THRB: variants seen among roughly 807,000 people sequenced by gnomAD.
THRB encodes thyroid hormone receptor beta.
A neutral mutation model predicts 47.8 loss-of-function variants in THRB; 12 were observed. The ratio of observed to expected loss-of-function variants is 0.25; its 90% confidence interval spans 0.16 to 0.41. THRB has a LOEUF of 0.41. Ranked by LOEUF, THRB falls within the 10% of genes least tolerant of loss-of-function variation. The probability of loss-of-function intolerance (pLI) is 1.00; values close to 1 mark genes in which losing one functional copy is unlikely to be tolerated. For missense variants in THRB, 348 were observed against 589.2 expected, an observed-to-expected ratio of 0.59 and a Z score of 4.24; for synonymous variants, 218 against 212.2, an observed-to-expected ratio of 1.03 and a Z score of -0.24.
chr3:24,220,591 G>C (rs144325358), intron 4 of THRB, among the ~76,000 whole-genome samples: 39 of 152,280 alleles, frequency 2.6e-4, no homozygotes, highest in African/African-American at 9.1e-4. Context: ...TGGTCACCTG[G>C]CTGTCATTTT....
At chr3:24,481,193 A>G (rs1302242921) in intron 1 of THRB, among the ~76,000 whole-genome samples, 3 of 129,734 alleles carry the variant, frequency 2.3e-5, no homozygotes, top group African/African-American at 9.3e-5. Flanking sequence ...AAGATCGTCT[A>G]TCTCAGTTTT....
intron 1 of THRB, among the ~76,000 whole-genome samples, chr3:24,425,678 C>T (rs2069687463): frequency 6.6e-6 from 1 of 151,826 alleles, no homozygotes; most frequent in Admixed American, 6.6e-5. Context: ...AAATTTAGTC[C>T]TTCTCTGATT....
intron 1 of THRB, among the ~76,000 whole-genome samples, chr3:24,462,310 G>T (rs1489184804): frequency 6.6e-6 from 1 of 152,208 alleles, no homozygotes; most frequent in Non-Finnish European, 1.5e-5. Context: ...TTATTCCTTA[G>T]AATTAAGAAG....
chr3:24,309,024 T>C (rs879285088), intron 2 of THRB, among the ~76,000 whole-genome samples: 2 of 152,152 alleles, frequency 1.3e-5, no homozygotes, highest in African/African-American at 2.4e-5. Flanking sequence ...AGCTCTTCCC[T>C]ACCCTTTCCT....
At chr3:24,418,082 C>G (rs1439800726) in intron 1 of THRB, among the ~76,000 whole-genome samples, 2 of 151,782 alleles carry the variant, frequency 1.3e-5, no homozygotes, top group Non-Finnish European at 2.9e-5. Context: ...CTCCTCCTCC[C>G]ATATCAACTT....
intron 3 of THRB, among the ~76,000 whole-genome samples, chr3:24,288,691 G>C (rs1050204342): frequency 6.6e-6 from 1 of 152,168 alleles, no homozygotes; most frequent in Non-Finnish European, 1.5e-5. Context: ...GTTGAATCAA[G>C]TACACTAAAG....
chr3:24,491,085 T>C (rs1698076412), intron 1 of THRB, among the ~76,000 whole-genome samples: 1 of 152,144 alleles, frequency 6.6e-6, no homozygotes, highest in South Asian at 2.1e-4. Flanking sequence ...TCCTTACAAG[T>C]TTAATGCATG....
intron 3 of THRB, among the ~76,000 whole-genome samples, chr3:24,279,680 C>A (rs2054334240): frequency 6.6e-6 from 1 of 152,044 alleles, no homozygotes; most frequent in Non-Finnish European, 1.5e-5. Context: ...CAGGCGTGAG[C>A]CACCGTGCCC....
chr3:24,443,850 G>A (rs1423275884), intron 1 of THRB, among the ~76,000 whole-genome samples: 3 of 152,034 alleles, frequency 2.0e-5, no homozygotes, highest in Non-Finnish European at 4.4e-5. Context: ...ACTGAAATTC[G>A]AAGGGAATAA....
At chr3:24,495,315 A>ACCGCCATC (rs75376248), upstream of THRB, 15 of 153,592 alleles carry the variant, frequency 9.8e-5, no homozygotes, top group Non-Finnish European at 1.9e-4. Context: ...CGCCGCCGCC[A>ACCGCCATC]GCCATCGCCA....
intron 2 of THRB, among the ~76,000 whole-genome samples, chr3:24,318,062 G>A (rs2058243394): frequency 6.6e-6 from 1 of 152,076 alleles, no homozygotes; most frequent in Non-Finnish European, 1.5e-5. Flanking sequence ...CGAATGAAAA[G>A]AAAGGAAGGA....
intron 1 of THRB, among the ~76,000 whole-genome samples, chr3:24,460,543 C>G (rs2073600390): frequency 6.6e-6 from 1 of 152,112 alleles, no homozygotes; most frequent in Non-Finnish European, 1.5e-5. Context: ...TTCCTTTAAT[C>G]TACTGTAATT....
intron 4 of THRB, among the ~76,000 whole-genome samples, chr3:24,203,571 C>T (rs1489248765): frequency 6.6e-6 from 1 of 152,190 alleles, no homozygotes; most frequent in Non-Finnish European, 1.5e-5. Flanking sequence ...CTACAGCTCC[C>T]AGCATGAGCG....
chr3:24,404,569 A>G (rs1038636227), intron 1 of THRB, among the ~76,000 whole-genome samples: 1 of 151,960 alleles, frequency 6.6e-6, no homozygotes, highest in Non-Finnish European at 1.5e-5. Context: ...AATTGTAAAC[A>G]ATGCTGCTCT....
intron 8 of THRB, among the ~76,000 whole-genome samples, chr3:24,134,762 C>T (rs1463553908): frequency 1.3e-5 from 2 of 152,184 alleles, no homozygotes; most frequent in Non-Finnish European, 2.9e-5. Context: ...TCAAGCCCTA[C>T]CCAGTGGTGG....
intron 2 of THRB, among the ~76,000 whole-genome samples, chr3:24,302,346 T>C (rs1267142820): frequency 6.6e-6 from 1 of 152,230 alleles, no homozygotes; most frequent in Non-Finnish European, 1.5e-5. Flanking sequence ...TTTAAATAGT[T>C]TCCCTGGGTT....
At chr3:24,164,906 A>T in intron 5 of THRB, 13 of 593,774 alleles carry the variant, frequency 2.2e-5, no homozygotes, top group East Asian at 2.8e-5. Flanking sequence ...TGCCGTTTTT[A>T]ATTTCAAATA....
chr3:24,299,555 C>T (rs969083042), intron 2 of THRB, among the ~76,000 whole-genome samples: 3 of 151,942 alleles, frequency 2.0e-5, no homozygotes, highest in Non-Finnish European at 4.4e-5. Flanking sequence ...ATCAAGAACT[C>T]TATCTGATCT....
chr3:24,350,410 G>T (rs914586485), intron 1 of THRB, among the ~76,000 whole-genome samples: 2 of 152,194 alleles, frequency 1.3e-5, no homozygotes, highest in African/African-American at 4.8e-5. Flanking sequence ...GTCCATAGCT[G>T]CTCTTTGCAT....
Sources: gnomAD v4.1 joint callset for allele counts (sites outside exome capture counted in the v4.1 genomes callset) on GRCh38, gnomAD v4.1.1 for gene constraint, MANE v1.5 for transcripts, NCBI Gene and HGNC (gene_info 2026-07-23, HGNC 2026-07-21) for gene names.